The following NPAS2 variants were observed in gnomAD, a reference collection of about 807,000 sequenced individuals.
NPAS2 encodes neuronal PAS domain protein 2, also known as neuronal PAS domain-containing protein 2.
A neutral mutation model predicts 107.5 loss-of-function variants in NPAS2; 23 were observed. The ratio of observed to expected loss-of-function variants is 0.21; its 90% CI spans 0.15 to 0.30. NPAS2 has a LOEUF of 0.30. Ranked by LOEUF, NPAS2 falls within the 10% of genes least tolerant of loss-of-function variation. The pLI, the probability that NPAS2 is intolerant of heterozygous loss-of-function variation, is 1.00. For missense variants in NPAS2, 756 were observed against 1,043.3 expected (o/e 0.72, Z 3.79); for synonymous variants, 403 against 417.5 (o/e 0.97, Z 0.42).
intron 1 of NPAS2, among the ~76,000 whole-genome samples, chr2:100,831,541 C>T (rs1676737743): frequency 6.6e-6 from 1 of 152,100 alleles, no homozygotes; most frequent in African/African-American, 2.4e-5. Flanking sequence ...CTCTGCAGCT[C>T]TGTCATCTCA....
At chr2:100,963,416 T>TTTGTTTTGTTTTGTTTTGTTTTG (rs367674055) in intron 7 of NPAS2, among the ~76,000 whole-genome samples, 209 of 152,214 alleles carry the variant, frequency 1.4e-3, no homozygotes, top group African/African-American at 4.6e-3. Context: ...TTTGTTTTGT[T>TTTGTTTTGTTTTGTTTTGTTTTG]TTGTTTGGAG....
intron 1 of NPAS2, among the ~76,000 whole-genome samples, chr2:100,861,234 T>C (rs1284623070): frequency 1.3e-5 from 2 of 152,090 alleles, no homozygotes; most frequent in Non-Finnish European, 2.9e-5. Context: ...CCTGATCTGA[T>C]TGGCATTTCT....
Position 100,968,278 on chromosome 2 carries a change from C to T in NPAS2, c.908-3C>T. 6.2e-7 allele frequency: 1 copy of T among 1,613,744 alleles called. No homozygotes were observed. The highest frequency in any genetic ancestry group is 8.5e-7 in the Non-Finnish European group (1 of 1,179,730). On this transcript the variant is annotated splice_polypyrimidine_tract_variant and splice_region_variant and intron_variant, in intron 10 of 20. Coordinates refer to ENST00000335681, the MANE Select transcript of NPAS2 (RefSeq NM_002518.4). The surrounding 1 kb of genome is among the most constrained non-coding windows in gnomAD (Gnocchi z 5.3). ...ATATGCGGAATCCATTTTCTACCGA[C>T]AGTGATGCAGTTTGGCAAAGGGAAG...
intron 1 of NPAS2, among the ~76,000 whole-genome samples, chr2:100,847,518 C>G (rs2104453536): frequency 6.6e-6 from 1 of 152,194 alleles, no homozygotes; most frequent in Middle Eastern, 3.4e-3. Context: ...TATAGGCACC[C>G]ACCACCGCGC....
At chr2:100,993,624 A>G (rs1678272494) in intron 20 of NPAS2, 97 bp downstream of exon 20, 2 of 992,700 alleles carry the variant, frequency 2.0e-6, no homozygotes, top group Non-Finnish European at 2.8e-6. Context: ...CTTGCTTTCA[A>G]GGTTGTTCTA....
Position 100,968,239 on chromosome 2 carries a change from T to G in NPAS2, c.908-42T>G. On this transcript the variant is annotated intron_variant, in intron 10 of 20. Transcript: ENST00000335681. The surrounding 1 kb of genome is among the most constrained non-coding windows in gnomAD (Gnocchi z 5.3). ...ACTCTTGGGGAAAAGATCATTTTCA[T>G]ATTAACATTGGTTATATGCGGAATC... 1 of 1,591,562 alleles carries G rather than the reference T, an allele frequency of 6.3e-7. No homozygotes were observed. Among genetic ancestry groups the G allele is most frequent in the East Asian group, 2.2e-5 (1 of 44,508 alleles).
intron 1 of NPAS2, among the ~76,000 whole-genome samples, chr2:100,839,420 C>T (rs557770986): frequency 1.3e-5 from 2 of 152,210 alleles, no homozygotes; most frequent in East Asian, 1.9e-4. Context: ...TGAGCCACCG[C>T]GCCTGGCCTG....
intron 1 of NPAS2, among the ~76,000 whole-genome samples, chr2:100,870,887 C>T (rs2104572329): frequency 6.6e-6 from 1 of 152,316 alleles, no homozygotes; most frequent in East Asian, 1.9e-4. Flanking sequence ...TCAATGCTTC[C>T]TCTCATCTCT....
intron 1 of NPAS2, among the ~76,000 whole-genome samples, chr2:100,887,541 C>T (rs1680776654): frequency 6.6e-6 from 1 of 152,232 alleles, no homozygotes; most frequent in African/African-American, 2.4e-5. Flanking sequence ...TGCAAATTAT[C>T]ACTATAATGC....
intron 3 of NPAS2, among the ~76,000 whole-genome samples, chr2:100,932,368 A>C (rs1684012577): frequency 6.6e-6 from 1 of 152,258 alleles, no homozygotes; most frequent in Non-Finnish European, 1.5e-5. Flanking sequence ...AGAAGAGTAC[A>C]TTATGTGTAT....
chr2:100,943,382 T>C (rs919685076), intron 5 of NPAS2, among the ~76,000 whole-genome samples: 1 of 152,254 alleles, frequency 6.6e-6, no homozygotes, highest in African/African-American at 2.4e-5. Flanking sequence ...TCCTCTTTGA[T>C]TGGGTTTTTT....
chr2:100,973,661 G>T (rs573192164), intron 12 of NPAS2, among the ~76,000 whole-genome samples: 2 of 152,276 alleles, frequency 1.3e-5, no homozygotes, highest in East Asian at 3.9e-4. Context: ...AGACAAAACG[G>T]CCACGCAGAC....
intron 7 of NPAS2, among the ~76,000 whole-genome samples, chr2:100,961,996 G>A (rs6747755): frequency 0.3 from 46,263 of 151,958 alleles, 7,881 homozygotes; most frequent in East Asian, 0.71. Flanking sequence ...CATCTGGGAA[G>A]TTTTCAAATG....
intron 1 of NPAS2, among the ~76,000 whole-genome samples, chr2:100,897,875 T>C (rs374102152): frequency 2.0e-5 from 3 of 151,970 alleles, no homozygotes; most frequent in Non-Finnish European, 4.4e-5. Flanking sequence ...ACTCAGGGAG[T>C]ATCTGTTGAA....
intron 2 of NPAS2, among the ~76,000 whole-genome samples, chr2:100,918,608 C>G (rs931887052): frequency 6.6e-6 from 1 of 152,122 alleles, no homozygotes; most frequent in Non-Finnish European, 1.5e-5. Context: ...CAGATGCTTC[C>G]TCAAAGAGGG....
intron 13 of NPAS2, 188 bp from the exon 14 acceptor site, chr2:100,975,270 T>TGTG: frequency 3.2e-6 from 2 of 621,826 alleles, no homozygotes; most frequent in Middle Eastern, 3.0e-4. Flanking sequence ...AGGGAGTGTT[T>TGTG]GTGGTGTCTC....
intron 3 of NPAS2, among the ~76,000 whole-genome samples, chr2:100,925,883 A>G (rs1683529563): frequency 6.6e-6 from 1 of 152,110 alleles, no homozygotes; most frequent in African/African-American, 2.4e-5. Context: ...AACCATCACC[A>G]CTCTCTAATT....
chr2:100,910,925 G>A (rs541341666), intron 2 of NPAS2, among the ~76,000 whole-genome samples: 1 of 152,312 alleles, frequency 6.6e-6, no homozygotes, highest in East Asian at 1.9e-4. Flanking sequence ...CCTGGGCTAT[G>A]GAAGTGAGGG....
At chr2:100,978,337 G>A (rs752404889) in intron 15 of NPAS2, among the ~76,000 whole-genome samples, 2 of 152,204 alleles carry the variant, frequency 1.3e-5, no homozygotes, top group African/African-American at 2.4e-5. Flanking sequence ...TCCAGAGTCT[G>A]TTTTTTTAAT....
Sources: allele counts gnomAD v4.1 joint callset (sites outside exome capture counted in the v4.1 genomes callset), GRCh38; gene constraint gnomAD v4.1.1; non-coding constraint Gnocchi (gnomAD v3.1); transcripts MANE v1.5; gene names NCBI Gene and HGNC (gene_info 2026-07-23, HGNC 2026-07-21).